Variants in ATXN7L2 observed in about 807,000 individuals in gnomAD.
ATXN7L2 encodes the protein ataxin 7 like 2.
A neutral mutation model predicts 59.6 loss-of-function variants in ATXN7L2; 17 were observed. The ratio of observed to expected loss-of-function variants is 0.29; its 90% confidence interval spans 0.20 to 0.43. The LOEUF (loss-of-function observed/expected upper bound fraction) is 0.43, where lower values mean the gene tolerates loss of function less well. ATXN7L2 is among the 20% of genes least tolerant of loss of function. The pLI is 1.00. For missense variants in ATXN7L2, 858 were observed against 1,008.9 expected (o/e 0.85, Z 2.03); for synonymous variants, 378 against 392.5 (o/e 0.96, Z 0.44).
rs767476738 is a variant in ATXN7L2, at chr1:109,491,104, C to G, written c.1637C>G (p.Pro546Arg). ...GTCCCCAGCTACCCTGCAGGCTCCC[C>G]CAGCGTGGCGGCTGCCTGTAGCCAG... is the stretch of plus-strand genomic sequence containing the variant. ...NLVPSYPAGSPSVAAACSQAE... is the reference protein window; with the variant it reads ...NLVPSYPAGSRSVAAACSQAE... Residue 546 changes from proline to arginine, a missense_variant, in exon 10 of 11, where the codon CCC (proline) becomes CGC (arginine). Transcript: ENST00000683729. This position sits in a 1 kb window ranked among gnomAD's most constrained non-coding sequence, Gnocchi z 4.1. 1 of 1,613,672 alleles carries G rather than the reference C, an allele frequency of 6.2e-7. No individual in the cohort carries two copies. Among genetic ancestry groups the G allele is most frequent in the Non-Finnish European group, 8.5e-7 (1 of 1,179,974 alleles).
chr1:109,488,782 C>A lies in ATXN7L2; in HGVS notation c.880-65C>A. The A allele has an allele frequency of 6.4e-7, 1 of 1,551,756 alleles. No individual in the cohort carries two copies. Among genetic ancestry groups the A allele is most frequent in the South Asian group, 1.2e-5 (1 of 83,186 alleles). On this transcript the variant is annotated intron_variant, in intron 6 of 10. Coordinates refer to ENST00000683729, the MANE Select transcript of ATXN7L2 (RefSeq NM_001350175.2). This position sits in a 1 kb window ranked among gnomAD's most constrained non-coding sequence, Gnocchi z 5.0. The stretch of plus-strand genomic sequence containing the variant: ...CCCAACTTGCCCGGGCCAAAGCACC[C>A]TGCCGTCCCTCACCCCTTCTCAGTT...
Position 109,489,453 on chromosome 1 carries a change from C to G in ATXN7L2, c.1133+353C>G. 4 of 355,252 alleles carry G rather than the reference C, an allele frequency of 1.1e-5. No homozygotes were observed. In the South Asian group the frequency reaches 1.2e-4, roughly 11 times the overall value. The allele number at this position is 355,252 out of a possible 1,614,324, so 22.0% of individuals were successfully genotyped here. ...ATTCACTCACTGGCCCCTTCGCGTG[C>G]AGAGGCTATGCCGGACCCCAGGGAG... On this transcript the variant is annotated intron_variant, in intron 7 of 10. Transcript: ENST00000683729.
At position 109,484,042 on chromosome 1, in the gene ATXN7L2, G is replaced by A; in HGVS notation, c.89G>A (p.Ser30Asn). ...SLDDFAGQSWSSWVERADLPA... is the reference protein window; with the variant it reads ...SLDDFAGQSWNSWVERADLPA... Reference sequence around the variant, plus strand: ...GATGACTTCGCGGGACAGAGCTGGAGCTCGTGGGTGGAGCGGGCCGACCTG... The same window carrying A: ...GATGACTTCGCGGGACAGAGCTGGAACTCGTGGGTGGAGCGGGCCGACCTG... The change falls in exon 1 of 11, where the codon AGC becomes AAC. Residue 30 changes from serine (S) to asparagine (N), a missense_variant. Around this residue, in one of 3 missense-constraint regions of ATXN7L2, gnomAD observed 95 missense variants for 82.6 expected, o/e 1.15. Transcript: ENST00000683729. The A allele has an allele frequency of 2.6e-6, 4 of 1,513,550 alleles. No individual in the cohort carries two copies. Among genetic ancestry groups the A allele is most frequent in the Non-Finnish European group, 3.5e-6 (4 of 1,128,298 alleles). 93.8% of individuals were successfully genotyped at this position (1,513,550 alleles called of 1,614,324 possible).
intron 1 of ATXN7L2, among the ~76,000 whole-genome samples, chr1:109,484,476 T>G (rs1350164965): frequency 1.6e-5 from 1 of 63,002 alleles, no homozygotes. Context: ...CTCACCCCCC[T>G]TGTTCCTTCG....
At chr1:109,490,523 C>G in intron 9 of ATXN7L2, 131 bp downstream of exon 9, 2 of 1,317,644 alleles carry the variant, frequency 1.5e-6, no homozygotes, top group Non-Finnish European at 2.0e-6. Context: ...CAGCAGGACC[C>G]CAGATAGGGA....
chr1:109,483,919 G>T lies in ATXN7L2; in HGVS notation c.-35G>T, dbSNP rs1656366287. The T allele has an allele frequency of 7.7e-6, 9 of 1,173,528 alleles. No homozygotes were observed. Among genetic ancestry groups the T allele is most frequent in the Non-Finnish European group, 9.5e-6 (9 of 949,342 alleles). 72.7% of individuals were successfully genotyped at this position (1,173,528 alleles called of 1,614,324 possible). ...GGCGAGGGGGAGGGGGCCGCGCGGC[G>T]GCGGCGCCAGGGCGGGCGCGCGTCC... On this transcript the variant is annotated 5_prime_UTR_variant, in exon 1 of 11. Coordinates refer to ENST00000683729, the MANE Select transcript of ATXN7L2 (RefSeq NM_001350175.2).
chr1:109,490,791 C>A, intron 9 of ATXN7L2, 131 bp from the exon 10 acceptor site: 1 of 1,075,150 alleles, frequency 9.3e-7, no homozygotes, highest in Non-Finnish European at 1.4e-6. Flanking sequence ...CAGCATCTCC[C>A]AGCAGATGGC....
chr1:109,484,472 C>A (rs767721710), intron 1 of ATXN7L2, among the ~76,000 whole-genome samples: 1 of 150,648 alleles, frequency 6.6e-6, no homozygotes, highest in African/African-American at 2.4e-5. Flanking sequence ...CTTCCTCACC[C>A]CCCTTGTTCC....
chr1:109,489,776 C>T (rs1277146909), intron 7 of ATXN7L2, 154 bp from the exon 8 acceptor site: 4 of 749,754 alleles, frequency 5.3e-6, no homozygotes, highest in African/African-American at 1.8e-5. Context: ...CTGTGTCGTT[C>T]CCTCCTGTCC....
chr1:109,489,835 G>C, intron 7 of ATXN7L2, 95 bp from the exon 8 acceptor site: 3 of 1,347,270 alleles, frequency 2.2e-6, no homozygotes, highest in Non-Finnish European at 2.1e-6. Context: ...TGTCTGCCCT[G>C]GTGCCCTGCT....
chr1:109,489,812 TTGCCCTGCAGGGTGTC>T (rs1221404933), intron 7 of ATXN7L2, 102 bp from the exon 8 acceptor site: 1 of 1,012,544 alleles, frequency 9.9e-7, no homozygotes, highest in African/African-American at 1.6e-5. Context: ...CCTCTTCTGA[TTGCCCTGCAGGGTGTC>T]TGCCCTGGTG....
chr1:109,485,814 C>G, intron 1 of ATXN7L2: 1 of 1,177,958 alleles, frequency 8.5e-7, no homozygotes, highest in Non-Finnish European at 1.0e-6. Flanking sequence ...AGTCCAGATG[C>G]AGCAGGTGAA....
In ATXN7L2 at chr1:109,487,169, G is replaced by A. The variant is rs572464653; in HGVS notation, c.461G>A (p.Arg154Gln). ...TCCAGGGAGAAGGGCCAGGGGTCCC[G>A]GAGCCGTGGCCACCAGCCTCCTGAG... is the stretch of plus-strand genomic sequence containing the variant. Reference protein sequence around the residue: ...TSSREKGQGSRSRGHQPPEKT... With the variant: ...TSSREKGQGSQSRGHQPPEKT... The change falls in exon 4 of 11, where the codon CGG (arginine) becomes CAG (glutamine). Residue 154 changes from arginine (R) to glutamine (Q), a missense_variant. Arg to Gln is a conservative substitution (Grantham distance 43). Transcript: ENST00000683729. The A allele has an allele frequency of 1.6e-5, 25 of 1,597,092 alleles. No individual in the cohort carries two copies. The South Asian group carries it at 1.9e-4, about 12-fold the overall frequency.
rs1465171154 is a variant in ATXN7L2 at position 109,489,050 on chromosome 1, C to T, written c.1083C>T (p.Ser361=). The T allele has an allele frequency of 3.1e-6, 5 of 1,614,160 alleles. No homozygotes were observed. In the South Asian group the frequency reaches 4.4e-5, roughly 14 times the overall value. The part of the protein sequence containing the change: ...QVVAAVAAPS[S]TFSVRAKQTY... The stretch of plus-strand genomic sequence containing the variant: ...TAGCAGCGGTGGCTGCTCCCAGCAG[C>T]ACCTTCTCTGTTCGTGCCAAGCAGA... Residue 361 remains serine, a synonymous_variant, in exon 7 of 11, where the codon AGC becomes AGT. Transcript: ENST00000683729.
intron 7 of ATXN7L2, 174 bp downstream of exon 7, chr1:109,489,274 T>A: frequency 1.2e-6 from 1 of 820,074 alleles, no homozygotes; most frequent in Non-Finnish European, 1.8e-6. Context: ...CTCCCCTGTT[T>A]CCAACCAGGC....
At position 109,488,110 on chromosome 1, in the gene ATXN7L2, G is replaced by A. The variant is rs1168394215; in HGVS notation, c.797-273G>A. Reference sequence around the variant, plus strand: ...AGCTGGCTTCTCTGGCCTCCCAGATGCCCATGGCTGCTTTTGTTTCTTGAT... The same window carrying A: ...AGCTGGCTTCTCTGGCCTCCCAGATACCCATGGCTGCTTTTGTTTCTTGAT... On this transcript the variant is annotated intron_variant, in intron 5 of 10. Transcript: ENST00000683729. The surrounding 1 kb of genome is among the most constrained non-coding windows in gnomAD (Gnocchi z 5.0). 3.3e-5 allele frequency among the ~76,000 whole-genome samples: 5 copies of A among 152,242 alleles called. No individual in the cohort carries two copies. The highest frequency in any genetic ancestry group is 1.2e-4 in the African/African-American group (5 of 41,466).
At chr1:109,484,442 G>A (rs965943985) in intron 1 of ATXN7L2, among the ~76,000 whole-genome samples, 1 of 150,710 alleles carries the variant, frequency 6.6e-6, no homozygotes, top group African/African-American at 2.5e-5. Flanking sequence ...TGTTTCCCAC[G>A]CACCCCACTT....
rs1041733215 is a variant in ATXN7L2 at position 109,489,780 on chromosome 1, C to T, written c.1134-150C>T. The stretch of plus-strand genomic sequence containing the variant: ...TACTCTGTGAGCTGTGTCGTTCCCT[C>T]CTGTCCTTCCCTTCCCTCTGTCCTC... On this transcript the variant is annotated intron_variant, in intron 7 of 10. Transcript: ENST00000683729. 6 of 777,710 alleles carry T rather than the reference C, an allele frequency of 7.7e-6. No homozygotes were observed. The African/African-American group carries it at 8.7e-5, about 11-fold the overall frequency. 48.2% of individuals were successfully genotyped at this position (777,710 alleles called of 1,614,324 possible). A position where few individuals can be genotyped will look rare whatever the true frequency, so the allele number is the denominator to read the frequency against.
chr1:109,486,952 G>A lies in ATXN7L2; in HGVS notation c.299-55G>A. ...AGTCTATGGACATGGTTAGGTTGGG[G>A]AAGGAAGTGGTGATACCACTCACCT... is the stretch of plus-strand genomic sequence containing the variant. On this transcript the variant is annotated intron_variant, in intron 3 of 10. Coordinates refer to ENST00000683729, the MANE Select transcript of ATXN7L2 (RefSeq NM_001350175.2). This position sits in a 1 kb window ranked among gnomAD's most constrained non-coding sequence, Gnocchi z 4.3. 1 of 1,440,492 alleles carries A rather than the reference G, an allele frequency of 6.9e-7. No homozygotes were observed. The highest frequency in any genetic ancestry group is 1.8e-4 in the Middle Eastern group (1 of 5,470). 89.2% of individuals were successfully genotyped at this position (1,440,492 alleles called of 1,614,324 possible).
Sources: gnomAD v4.1 joint callset for allele counts (sites outside exome capture counted in the v4.1 genomes callset) on GRCh38, gnomAD v4.1.1 for gene constraint, gnomAD v4.1.1 regional missense constraint, Gnocchi (gnomAD v3.1) non-coding constraint, MANE v1.5 for transcripts, NCBI Gene and HGNC (gene_info 2026-07-23, HGNC 2026-07-21) for gene names.